GALNTL6: variants seen among roughly 807,000 people sequenced by gnomAD.
GALNTL6 encodes the protein polypeptide N-acetylgalactosaminyltransferase-like 6.
Under a neutral mutation model 73.7 loss-of-function variants are expected in GALNTL6, and 46 were observed. The ratio of observed to expected loss-of-function variants is 0.62; its 90% CI spans 0.49 to 0.80. The LOEUF is 0.80. GALNTL6 is among the 30% of genes least tolerant of loss of function. The probability of loss-of-function intolerance (pLI) is 0.00; values close to 1 mark genes in which losing one functional copy is unlikely to be tolerated. For missense variants in GALNTL6, 604 were observed against 755.0 expected, an observed-to-expected ratio of 0.80 and a Z score of 2.34; for synonymous variants, 259 against 263.7, an observed-to-expected ratio of 0.98 and a Z score of 0.17.
chr4:172,948,985 T>C (rs1161291824), intron 9 of GALNTL6, among the ~76,000 whole-genome samples: 2 of 152,226 alleles, frequency 1.3e-5, no homozygotes, highest in Non-Finnish European at 2.9e-5. Flanking sequence ...CCTTTTCCCA[T>C]TGACTGCACC....
At chr4:173,034,718 C>A (rs1753612666) in intron 12 of GALNTL6, among the ~76,000 whole-genome samples, 1 of 152,138 alleles carries the variant, frequency 6.6e-6, no homozygotes, top group African/African-American at 2.4e-5. Flanking sequence ...CACACTGGCC[C>A]CACCCCTGGC....
At chr4:171,879,499 G>C (rs990745476) in intron 2 of GALNTL6, among the ~76,000 whole-genome samples, 1 of 151,960 alleles carries the variant, frequency 6.6e-6, no homozygotes, top group Non-Finnish European at 1.5e-5. Context: ...AAATAATTCT[G>C]TAATATATCG....
chr4:172,073,447 G>C (rs1267825742), intron 2 of GALNTL6, among the ~76,000 whole-genome samples: 3 of 152,180 alleles, frequency 2.0e-5, no homozygotes, highest in African/African-American at 2.4e-5. Context: ...AATGGTGAAA[G>C]AGAAGCAGTA....
At chr4:172,852,154 C>T (rs1033813928) in intron 7 of GALNTL6, among the ~76,000 whole-genome samples, 1 of 152,066 alleles carries the variant, frequency 6.6e-6, no homozygotes, top group Non-Finnish European at 1.5e-5. Context: ...ATTACAGTAA[C>T]CCTAGTAGCT....
At chr4:172,503,612 G>A (rs1734343951) in intron 5 of GALNTL6, among the ~76,000 whole-genome samples, 1 of 147,514 alleles carries the variant, frequency 6.8e-6, no homozygotes, top group South Asian at 2.1e-4. Flanking sequence ...AATTTAGCAT[G>A]TAAAATTAAT....
intron 5 of GALNTL6, among the ~76,000 whole-genome samples, chr4:172,359,482 G>A (rs1742288569): frequency 6.6e-6 from 1 of 152,094 alleles, no homozygotes; most frequent in Non-Finnish European, 1.5e-5. Flanking sequence ...TAACAAACCT[G>A]CACATGTACC....
At chr4:172,078,444 TAC>T (rs1006047865) in intron 2 of GALNTL6, among the ~76,000 whole-genome samples, 13 of 152,196 alleles carry the variant, frequency 8.5e-5, no homozygotes, top group African/African-American at 3.1e-4. Flanking sequence ...TTTCATAAAT[TAC>T]ACAGTCTCAG....
chr4:172,781,886 C>T (rs1025717851), intron 5 of GALNTL6, among the ~76,000 whole-genome samples: 10 of 150,990 alleles, frequency 6.6e-5, no homozygotes, highest in African/African-American at 2.2e-4. Context: ...TTTTTAAATA[C>T]ATATTATATT....
At chr4:172,477,015 C>T (rs1733261985) in intron 5 of GALNTL6, among the ~76,000 whole-genome samples, 1 of 150,638 alleles carries the variant, frequency 6.6e-6, no homozygotes, top group Non-Finnish European at 1.5e-5. Flanking sequence ...AGCTCCGCCT[C>T]CCGGGTTCAC....
At chr4:172,348,496 C>A (rs1347532184) in intron 4 of GALNTL6, 27 bp from the exon 5 acceptor site, 16 of 1,589,474 alleles carry the variant, frequency 1.0e-5, no homozygotes, top group Non-Finnish European at 1.3e-5. Context: ...GTATTTGACA[C>A]ACCATTTTCT....
At chr4:172,576,132 C>T (rs576574827) in intron 5 of GALNTL6, among the ~76,000 whole-genome samples, 2 of 152,020 alleles carry the variant, frequency 1.3e-5, no homozygotes, top group South Asian at 4.2e-4. Flanking sequence ...ATGGTAGGTC[C>T]CTAAATTTTT....
intron 5 of GALNTL6, among the ~76,000 whole-genome samples, chr4:172,592,670 G>GTCTGTCTGTCTATCTA: frequency 1.4e-5 from 2 of 142,096 alleles, no homozygotes; most frequent in East Asian, 4.2e-4. Context: ...CTGTCTGTCT[G>GTCTGTCTGTCTATCTA]TCTATCTATC....
intron 5 of GALNTL6, among the ~76,000 whole-genome samples, chr4:172,779,259 G>A (rs1739247942): frequency 6.6e-6 from 1 of 152,190 alleles, no homozygotes; most frequent in African/African-American, 2.4e-5. Context: ...TCATGTGCAA[G>A]AGTGTGGCAA....
At chr4:172,562,627 C>T (rs1736415865) in intron 5 of GALNTL6, among the ~76,000 whole-genome samples, 1 of 152,216 alleles carries the variant, frequency 6.6e-6, no homozygotes, top group South Asian at 2.1e-4. Flanking sequence ...CTTATCCCGG[C>T]CTCTTCTCTG....
intron 5 of GALNTL6, among the ~76,000 whole-genome samples, chr4:172,461,607 A>T (rs959413238): frequency 6.6e-6 from 1 of 152,180 alleles, no homozygotes; most frequent in African/African-American, 2.4e-5. Flanking sequence ...CCTTCCTTTG[A>T]TTCTTTTTGC....
intron 5 of GALNTL6, among the ~76,000 whole-genome samples, chr4:172,373,510 G>A (rs1374161957): frequency 6.6e-6 from 1 of 152,146 alleles, no homozygotes. Flanking sequence ...ACAATATCCT[G>A]TAAACCTTTA....
intron 5 of GALNTL6, among the ~76,000 whole-genome samples, chr4:172,757,386 A>G (rs1197014500): frequency 6.6e-6 from 1 of 152,222 alleles, no homozygotes; most frequent in Non-Finnish European, 1.5e-5. Flanking sequence ...GGTACTGCCC[A>G]GGCTTTAAAG....
chr4:172,602,300 G>C (rs181238052), intron 5 of GALNTL6, among the ~76,000 whole-genome samples: 2 of 152,094 alleles, frequency 1.3e-5, no homozygotes, highest in Admixed American at 1.3e-4. Flanking sequence ...TAGCTATGTG[G>C]ATAAACATAA....
chr4:172,556,927 T>C (rs1736166601), intron 5 of GALNTL6, among the ~76,000 whole-genome samples: 4 of 152,128 alleles, frequency 2.6e-5, no homozygotes, highest in Admixed American at 2.6e-4. Context: ...TGGACTAGAC[T>C]ATTAGGAAGT....
Sources: gnomAD v4.1 joint callset for allele counts (sites outside exome capture counted in the v4.1 genomes callset) on GRCh38, gnomAD v4.1.1 for gene constraint, MANE v1.5 for transcripts, NCBI Gene and HGNC (gene_info 2026-07-23, HGNC 2026-07-21) for gene names.